Variants in ABCB11 observed in about 807,000 individuals in gnomAD.
ABCB11 encodes the protein bile salt export pump.
A neutral mutation model predicts 148.0 loss-of-function variants in ABCB11; 95 were observed. The ratio of observed to expected loss-of-function variants is 0.64; its 90% confidence interval spans 0.54 to 0.76. ABCB11 has a LOEUF of 0.76. Ranked by LOEUF, ABCB11 falls within the 30% of genes least tolerant of loss-of-function variation. ABCB11 has a pLI of 0.00. For missense variants in ABCB11, 1,523 were observed against 1,617.8 expected, an observed-to-expected ratio of 0.94 and a Z score of 1.01; for synonymous variants, 591 against 555.4, an observed-to-expected ratio of 1.06 and a Z score of -0.90.
At chr2:169,028,635 A>T (rs1483304348) in intron 1 of ABCB11, among the ~76,000 whole-genome samples, 1 of 152,130 alleles carries the variant, frequency 6.6e-6, no homozygotes, top group Non-Finnish European at 1.5e-5. Context: ...ACCACTGAGA[A>T]CTTGGGACCT....
At chr2:168,961,928 G>A (rs1277669797) in intron 18 of ABCB11, among the ~76,000 whole-genome samples, 1 of 151,644 alleles carries the variant, frequency 6.6e-6, no homozygotes, top group African/African-American at 2.4e-5. Flanking sequence ...ATGAGAAAAA[G>A]AAAGGATTTC....
At chr2:169,003,227 G>A (rs577369081) in intron 5 of ABCB11, among the ~76,000 whole-genome samples, 1 of 151,876 alleles carries the variant, frequency 6.6e-6, no homozygotes, top group South Asian at 2.1e-4. Context: ...CCATTCCTGA[G>A]TTACTTCACT....
intron 18 of ABCB11, among the ~76,000 whole-genome samples, chr2:168,959,829 G>A (rs1692976996): frequency 6.6e-6 from 1 of 150,618 alleles, no homozygotes. Flanking sequence ...GTTGGGTTGG[G>A]GAGCCAGTGC....
At chr2:168,979,834 G>C (rs758617523) in intron 11 of ABCB11, 32 bp downstream of exon 11, 5 of 1,323,260 alleles carry the variant, frequency 3.8e-6, no homozygotes, top group Admixed American at 1.8e-5. Flanking sequence ...GCCCCCACCT[G>C]TTAATGGCCT....
At chr2:168,930,977 C>A in intron 24 of ABCB11, 115 bp from the exon 25 acceptor site, 2 of 850,798 alleles carry the variant, frequency 2.4e-6, no homozygotes, top group Non-Finnish European at 3.6e-6. Flanking sequence ...ACCATGCTGC[C>A]AAAGTGCAAA....
intron 10 of ABCB11, among the ~76,000 whole-genome samples, chr2:168,983,315 T>G (rs1694197298): frequency 6.6e-6 from 1 of 152,154 alleles, no homozygotes; most frequent in South Asian, 2.1e-4. Context: ...ATATCCCTAT[T>G]TTGGTAAATG....
chr2:168,972,137 G>GA, intron 13 of ABCB11, 87 bp from the exon 14 acceptor site: 4 of 1,206,142 alleles, frequency 3.3e-6, no homozygotes, highest in Admixed American at 2.1e-5. Flanking sequence ...CCAATGGGCA[G>GA]AAAAAATAGA....
At chr2:169,030,524 T>C (rs1695834981) in intron 1 of ABCB11, among the ~76,000 whole-genome samples, 1 of 152,226 alleles carries the variant, frequency 6.6e-6, no homozygotes, top group Admixed American at 6.5e-5. Flanking sequence ...CTAACATCTC[T>C]AAAAAGCTAT....
At chr2:168,942,778 C>T (rs2250677) in intron 21 of ABCB11, among the ~76,000 whole-genome samples, 83,645 of 151,468 alleles carry the variant, frequency 0.55, 23,409 homozygotes, top group South Asian at 0.69. Context: ...AAATTATCAA[C>T]TAAAACAATA....
intron 18 of ABCB11, among the ~76,000 whole-genome samples, chr2:168,958,619 C>T (rs1341281345): frequency 6.6e-6 from 1 of 151,290 alleles, no homozygotes; most frequent in Non-Finnish European, 1.5e-5. Context: ...GTGGTGTCAA[C>T]AGTTATCATT....
chr2:168,929,344 G>C (rs934065083), intron 25 of ABCB11, among the ~76,000 whole-genome samples: 1 of 152,110 alleles, frequency 6.6e-6, no homozygotes, highest in Non-Finnish European at 1.5e-5. Flanking sequence ...AATGAGGGAA[G>C]AGATGGCCTG....
chr2:169,003,323 C>CGTGTGTGTGTGT (rs139250976), intron 5 of ABCB11, among the ~76,000 whole-genome samples: 81 of 141,648 alleles, frequency 5.7e-4, no homozygotes, highest in African/African-American at 1.8e-3. Context: ...TTCCATGGTG[C>CGTGTGTGTGTGT]GTGTGTGTGT....
At chr2:168,994,259 C>T (rs1164477392) in intron 7 of ABCB11, among the ~76,000 whole-genome samples, 1 of 152,104 alleles carries the variant, frequency 6.6e-6, no homozygotes, top group Non-Finnish European at 1.5e-5. Flanking sequence ...CATACCTTCT[C>T]GTGCATCAAT....
At chr2:169,022,894 T>C (rs1345872414) in intron 1 of ABCB11, among the ~76,000 whole-genome samples, 1 of 152,044 alleles carries the variant, frequency 6.6e-6, no homozygotes, top group Non-Finnish European at 1.5e-5. Context: ...TTTTCATAAA[T>C]GCAAAAAGTA....
intron 12 of ABCB11, among the ~76,000 whole-genome samples, chr2:168,975,957 A>G (rs2105975971): frequency 6.6e-6 from 1 of 152,060 alleles, no homozygotes; most frequent in East Asian, 1.9e-4. Context: ...TTCAAAGCCA[A>G]TTTATTCAGG....
Position 168,921,145 on chromosome 2 carries a change from T to C in ABCB11, c.*2477A>G, listed in dbSNP as rs1001143040. Among the ~76,000 whole-genome samples, 1 of 152,226 alleles carries C rather than the reference T, an allele frequency of 6.6e-6. No individual in the cohort carries two copies. Among genetic ancestry groups the C allele is most frequent in the Non-Finnish European group, 1.5e-5 (1 of 68,028 alleles). On this transcript the variant is annotated 3_prime_UTR_variant, in exon 28 of 28. Coordinates refer to ENST00000650372, the MANE Select transcript of ABCB11 (RefSeq NM_003742.4). Reference sequence around the variant, plus strand: ...TCTTTACTCTGCAACTTACTCGTCATTGCCATTTTTCATAACCAGAATGCA... The same window carrying C: ...TCTTTACTCTGCAACTTACTCGTCACTGCCATTTTTCATAACCAGAATGCA...
At chr2:168,948,920 G>A (rs1386963649) in intron 19 of ABCB11, among the ~76,000 whole-genome samples, 1 of 151,618 alleles carries the variant, frequency 6.6e-6, no homozygotes, top group East Asian at 2.0e-4. Flanking sequence ...TCATGCTTGT[G>A]GGGTCATTTT....
At chr2:168,991,022 T>C in intron 8 of ABCB11, 97 bp from the exon 9 acceptor site, 1 of 1,388,110 alleles carries the variant, frequency 7.2e-7, no homozygotes, top group Non-Finnish European at 9.8e-7. Context: ...ATGGGTTTAA[T>C]ACAATATTAG....
At chr2:168,964,084 G>A (rs1321854088) in intron 18 of ABCB11, 122 bp downstream of exon 18, 5 of 632,978 alleles carry the variant, frequency 7.9e-6, no homozygotes, top group South Asian at 4.7e-5. Flanking sequence ...CTGTCTTTTA[G>A]TCTGACTTGA....
Sources: allele counts gnomAD v4.1 joint callset (sites outside exome capture counted in the v4.1 genomes callset), GRCh38; gene constraint gnomAD v4.1.1; transcripts MANE v1.5; gene names NCBI Gene and HGNC (gene_info 2026-07-23, HGNC 2026-07-21).